The following ZC3H6 variants were observed in gnomAD, a reference collection of about 807,000 sequenced individuals.
The protein encoded by ZC3H6 is zinc finger CCCH-type containing 6.
In ZC3H6, 40 loss-of-function variants were observed where a neutral mutation model predicts 107.7. The observed-to-expected ratio is 0.37, with a 90% CI of 0.29 to 0.48. The LOEUF (loss-of-function observed/expected upper bound fraction) is 0.48, where lower values mean the gene tolerates loss of function less well. Ranked by LOEUF, ZC3H6 falls within the 20% of genes least tolerant of loss-of-function variation. The pLI is 0.98. For missense variants in ZC3H6, 1,267 were observed against 1,410.4 expected (o/e 0.90, Z 1.63); for synonymous variants, 493 against 487.9 (o/e 1.01, Z -0.14).
At chr2:112,309,731 T>C (rs528466544) in intron 3 of ZC3H6, among the ~76,000 whole-genome samples, 154 bp from the exon 4 acceptor site, 3 of 152,190 alleles carry the variant, frequency 2.0e-5, no homozygotes, top group Non-Finnish European at 2.9e-5. Flanking sequence ...TAGTGTTAAG[T>C]AGTATCATAG....
intron 1 of ZC3H6, among the ~76,000 whole-genome samples, chr2:112,278,382 G>A (rs1686467286): frequency 6.6e-6 from 1 of 152,140 alleles, no homozygotes. Flanking sequence ...CAGTGGCACT[G>A]TCTCAGCTCA....
At position 112,324,970 on chromosome 2, in the gene ZC3H6, T is replaced by C. The variant is rs779171801; in HGVS notation, c.1859T>C (p.Met620Thr). The C allele has an allele frequency of 6.2e-6, 10 of 1,600,434 alleles. No homozygotes were observed. Among genetic ancestry groups the C allele is most frequent in the East Asian group, 2.3e-5 (1 of 44,426 alleles). ...FQPPNNSGDGMWHGEFAQQQP... is the reference protein window; with the variant it reads ...FQPPNNSGDGTWHGEFAQQQP... ...CCCCATGTTATACATGTAGATGGGA[T>C]GTGGCATGGTGAATTTGCCCAGCAG... Residue 620 changes from methionine (M) to threonine (T), a missense_variant, in exon 11 of 12, where the codon ATG becomes ACG. Physicochemically the swap from Met to Thr is moderately conservative, Grantham distance 81 (BLOSUM62 -1). This residue lies in a region of ZC3H6 where 925 missense variants were observed against 1,025.7 expected (regional missense o/e 0.90). Transcript: ENST00000409871.
chr2:112,321,820 T>C lies in ZC3H6; in HGVS notation c.1041T>C (p.Phe347=). ...GTTACCAGGGAGACAACTGTAAATTTTCCCATGATGATCTAACTAAAGAAA... is the reference window on the plus strand; with the variant it reads ...GTTACCAGGGAGACAACTGTAAATTCTCCCATGATGATCTAACTAAAGAAA... ...AKCYQGDNCK[F]SHDDLTKETK... The change falls in exon 8 of 12, where the codon TTT becomes TTC. Residue 347 remains phenylalanine (F), a synonymous_variant. Coordinates refer to ENST00000409871, the MANE Select transcript of ZC3H6 (RefSeq NM_198581.3). The C allele has an allele frequency of 6.5e-7, 1 of 1,547,900 alleles. No individual in the cohort carries two copies. Among genetic ancestry groups the C allele is most frequent in the Non-Finnish European group, 8.7e-7 (1 of 1,145,628 alleles).
At position 112,335,269 on chromosome 2, in the gene ZC3H6, G is replaced by A. The variant is rs1490229049; in HGVS notation, c.*2781G>A. 1 of 152,164 alleles carries A rather than the reference G, an allele frequency of 6.6e-6. No homozygotes were observed. Among genetic ancestry groups the A allele is most frequent in the Non-Finnish European group, 1.5e-5 (1 of 68,022 alleles). The allele number at this position is 152,164 out of a possible 1,614,324, so 9.4% of individuals were successfully genotyped here. On this transcript the variant is annotated 3_prime_UTR_variant, in exon 12 of 12. Coordinates refer to ENST00000409871, the MANE Select transcript of ZC3H6 (RefSeq NM_198581.3). ...CAAACCCCCAAATTAGGCTGCAACC[G>A]AAAGAGCCTAATTGTGAAATGATGT...
intron 1 of ZC3H6, among the ~76,000 whole-genome samples, chr2:112,289,621 G>T (rs1676061687): frequency 6.6e-6 from 1 of 152,148 alleles, no homozygotes; most frequent in African/African-American, 2.4e-5. Context: ...CACCGCGCCG[G>T]CCCTGAACCA....
In ZC3H6 at chr2:112,335,804, A is replaced by C. The variant is rs1243685869; in HGVS notation, c.*3316A>C. On this transcript the variant is annotated 3_prime_UTR_variant, in exon 12 of 12. Transcript: ENST00000409871. The stretch of plus-strand genomic sequence containing the variant: ...TGAGTGAATATTAACCCATCAAGTT[A>C]GCAATTTCCTTAACTACATGAGTAT... 6.6e-6 allele frequency: 1 copy of C among 152,158 alleles called. No individual in the cohort carries two copies. Among genetic ancestry groups the C allele is most frequent in the African/African-American group, 2.4e-5 (1 of 41,430 alleles). The allele number at this position is 152,158 out of a possible 1,614,324, so 9.4% of individuals were successfully genotyped here. A position where few individuals can be genotyped will look rare whatever the true frequency, so the allele number is the denominator to read the frequency against.
At chr2:112,308,259 A>G (rs1044467494) in intron 3 of ZC3H6, among the ~76,000 whole-genome samples, 1 of 152,084 alleles carries the variant, frequency 6.6e-6, no homozygotes, top group South Asian at 2.1e-4. Context: ...TGTTTTTAAA[A>G]TTTAAAATTG....
In ZC3H6 at chr2:112,338,855, GTATATA is replaced by G. The variant is rs1157174486; in HGVS notation, c.*6420_*6425del. On this transcript the variant is annotated 3_prime_UTR_variant, in exon 12 of 12. Coordinates refer to ENST00000409871, the MANE Select transcript of ZC3H6 (RefSeq NM_198581.3). ...TATATATATATGTATGTATATGTGT[GTATATA>G]TATATATATATATATATATATATAT... 0.021 allele frequency: 779 copies of G among 37,840 alleles called. 22 individuals carry two copies. Among genetic ancestry groups the G allele is most frequent in the East Asian group, 0.037 (12 of 320 alleles). The allele number at this position is 37,840 out of a possible 1,614,324, so 2.3% of individuals were successfully genotyped here. A position where few individuals can be genotyped will look rare whatever the true frequency, so the allele number is the denominator to read the frequency against.
chr2:112,299,394 T>C (rs1676317907), intron 1 of ZC3H6, among the ~76,000 whole-genome samples: 3 of 152,226 alleles, frequency 2.0e-5, no homozygotes, highest in Admixed American at 2.0e-4. Context: ...TAGATTCCTT[T>C]TATTTTAAAA....
rs188805437 is a variant in ZC3H6 at position 112,332,262 on chromosome 2, C to T, written c.3344C>T (p.Ala1115Val). ...CTTGAGGGGCCAGCTGACCCACAGG[C>T]GGACGTTCCCAGGAGTTCTGGTAAG... is the stretch of plus-strand genomic sequence containing the variant. ...VTLEGPADPQADVPRSSGKVQ... is the reference protein window; with the variant it reads ...VTLEGPADPQVDVPRSSGKVQ... Residue 1115 changes from alanine (A) to valine (V), a missense_variant, in exon 12 of 12, where the codon GCG becomes GTG. Physicochemically the swap from Ala to Val is moderately conservative, Grantham distance 64 (BLOSUM62 0). Transcript: ENST00000409871. 124 of 1,613,862 alleles carry T rather than the reference C, an allele frequency of 7.7e-5. No individual in the cohort carries two copies. Among genetic ancestry groups the T allele is most frequent in the African/African-American group, 6.4e-4 (48 of 75,024 alleles).
rs1267411124 is a variant in ZC3H6 at position 112,275,620 on chromosome 2, T to C, written c.-375T>C. On this transcript the variant is annotated 5_prime_UTR_variant, in exon 1 of 12. Coordinates refer to ENST00000409871, the MANE Select transcript of ZC3H6 (RefSeq NM_198581.3). ...GCGCCATTTTCTCGAGCCGCCTGTT[T>C]CGGGTGCCGCCATGTTGGTGAGGAG... 3 of 401,108 alleles carry C rather than the reference T, an allele frequency of 7.5e-6. No homozygotes were observed. The highest frequency in any genetic ancestry group is 1.3e-5 in the Non-Finnish European group (3 of 226,836). 24.8% of individuals were successfully genotyped at this position (401,108 alleles called of 1,614,324 possible).
intron 1 of ZC3H6, among the ~76,000 whole-genome samples, chr2:112,294,286 C>A (rs1573950980): frequency 6.6e-6 from 1 of 152,250 alleles, no homozygotes; most frequent in East Asian, 1.9e-4. Context: ...AAGGAAGAAA[C>A]GACCGTGTGA....
At chr2:112,297,638 G>T (rs1192001258) in intron 1 of ZC3H6, among the ~76,000 whole-genome samples, 5 of 152,170 alleles carry the variant, frequency 3.3e-5, no homozygotes, top group Non-Finnish European at 2.9e-5. Flanking sequence ...TTGTTTCTAG[G>T]ATTCAGCCTC....
chr2:112,313,671 C>T (rs1676634486), intron 5 of ZC3H6, among the ~76,000 whole-genome samples: 1 of 152,152 alleles, frequency 6.6e-6, no homozygotes, highest in African/African-American at 2.4e-5. Flanking sequence ...AGAGACATTT[C>T]TTATGATTCC....
Position 112,332,086 on chromosome 2 carries a change from A to G in ZC3H6, c.3168A>G (p.Ser1056=), listed in dbSNP as rs747583640. The change falls in exon 12 of 12, where the codon TCA becomes TCG. Residue 1056 remains serine (S), a synonymous_variant. Transcript: ENST00000409871. ...TGTATGACCCTAGGGATCACGGTTCATCATCCACATCAGAGCTAGCAACAG... is the reference window on the plus strand; with the variant it reads ...TGTATGACCCTAGGGATCACGGTTCGTCATCCACATCAGAGCTAGCAACAG... ...ISLYDPRDHG[S]SSTSELATAS... The G allele has an allele frequency of 2.5e-6, 4 of 1,614,044 alleles. No individual in the cohort carries two copies. Among genetic ancestry groups the G allele is most frequent in the Non-Finnish European group, 3.4e-6 (4 of 1,179,898 alleles).
intron 5 of ZC3H6, among the ~76,000 whole-genome samples, chr2:112,316,014 T>A (rs1481634930): frequency 6.6e-6 from 1 of 152,214 alleles, no homozygotes; most frequent in Non-Finnish European, 1.5e-5. Context: ...CGTTTTGCTG[T>A]TTGTTTTACT....
chr2:112,299,723 A>G, intron 1 of ZC3H6, 126 bp from the exon 2 acceptor site: 1 of 702,520 alleles, frequency 1.4e-6, no homozygotes, highest in Non-Finnish European at 2.0e-6. Flanking sequence ...TTATAGAAAA[A>G]TTTTTCAAGT....
chr2:112,318,414 A>G (rs1676740555), intron 7 of ZC3H6, among the ~76,000 whole-genome samples: 2 of 152,344 alleles, frequency 1.3e-5, no homozygotes, highest in South Asian at 4.1e-4. Context: ...ACTTACGAAG[A>G]GGTCATATCC....
Position 112,317,198 on chromosome 2 carries a change from CTTTTTT to C in ZC3H6, c.865-14_865-9del. On this transcript the variant is annotated splice_polypyrimidine_tract_variant and intron_variant, in intron 6 of 11. Transcript: ENST00000409871. ...TGTTTCTTACCTTTTTTTCTTTTTT[CTTTTTT>C]TTTTTTTTGTGAATAGGGAGATCAG... The C allele has an allele frequency of 4.9e-6, 5 of 1,027,106 alleles. No individual in the cohort carries two copies. The South Asian group carries it at 6.8e-5, about 14-fold the overall frequency. The allele number at this position is 1,027,106 out of a possible 1,614,324, so 63.6% of individuals were successfully genotyped here. A position where few individuals can be genotyped will look rare whatever the true frequency, so the allele number is the denominator to read the frequency against.
Sources: allele counts gnomAD v4.1 joint callset (sites outside exome capture counted in the v4.1 genomes callset), GRCh38; gene constraint gnomAD v4.1.1; regional missense constraint gnomAD v4.1.1; transcripts MANE v1.5; gene names NCBI Gene and HGNC (gene_info 2026-07-23, HGNC 2026-07-21).